The following FRMD6 variants were observed in gnomAD, a reference collection of about 807,000 sequenced individuals.
FRMD6 encodes FERM domain containing 6.
FRMD6 carries 37 observed loss-of-function variants against 73.2 expected under a neutral mutation model. That is an observed-to-expected ratio of 0.51 (90% CI 0.39 to 0.66). The LOEUF is 0.66. FRMD6 is among the 30% of genes least tolerant of loss of function. The probability of loss-of-function intolerance (pLI) is 0.00; values close to 1 mark genes in which losing one functional copy is unlikely to be tolerated. For missense variants in FRMD6, 714 were observed against 780.5 expected, an observed-to-expected ratio of 0.91 and a Z score of 1.02; for synonymous variants, 273 against 282.2, an observed-to-expected ratio of 0.97 and a Z score of 0.33.
At chr14:51,534,344 C>T (rs1215852353) in intron 1 of FRMD6, among the ~76,000 whole-genome samples, 2 of 152,286 alleles carry the variant, frequency 1.3e-5, no homozygotes, top group East Asian at 3.9e-4. Flanking sequence ...AGTCACCAGT[C>T]CTCAAAGCTT....
the FRMD6 span, among the ~76,000 whole-genome samples, chr14:51,479,703 G>T: frequency 6.6e-6 from 1 of 152,234 alleles, no homozygotes. Context: ...AGAAAGAAGT[G>T]AAAGCTGGCT....
intron 1 of FRMD6, among the ~76,000 whole-genome samples, chr14:51,511,889 A>T (rs903070900): frequency 6.6e-6 from 1 of 151,982 alleles, no homozygotes; most frequent in Non-Finnish European, 1.5e-5. Flanking sequence ...AATAATAATA[A>T]TAAAGAAATA....
chr14:51,690,809 A>T (rs1306468267), intron 2 of FRMD6, among the ~76,000 whole-genome samples: 1 of 152,214 alleles, frequency 6.6e-6, no homozygotes, highest in African/African-American at 2.4e-5. Context: ...TTTGTGAGTC[A>T]TAGTCAGCTT....
the FRMD6 span, among the ~76,000 whole-genome samples, chr14:51,410,710 C>A: frequency 2.0e-5 from 3 of 152,198 alleles, no homozygotes; most frequent in African/African-American, 4.8e-5. Context: ...CACGTTCATA[C>A]ATTATATGTC....
chr14:51,558,030 G>A (rs17401230), intron 1 of FRMD6, among the ~76,000 whole-genome samples: 1,764 of 151,866 alleles, frequency 0.012, 34 homozygotes, highest in African/African-American at 0.041. Flanking sequence ...TGAAGATACC[G>A]AAAGATACAA....
intron 2 of FRMD6, chr14:51,643,687 G>A (rs1321048660): frequency 6.6e-6 from 1 of 152,270 alleles, no homozygotes; most frequent in Non-Finnish European, 1.5e-5. Flanking sequence ...GGCAGATGTG[G>A]TGGACAGAGT....
intron 2 of FRMD6, among the ~76,000 whole-genome samples, chr14:51,585,947 A>ATATATATATATATATATATG (rs1889022553): frequency 4.7e-5 from 1 of 21,354 alleles, no homozygotes; most frequent in Admixed American, 6.6e-4. Context: ...GTGTATATAT[A>ATATATATATATATATATATG]TATATATATA....
chr14:51,654,204 A>T (rs1032417761), intron 1 of FRMD6, among the ~76,000 whole-genome samples: 1 of 150,936 alleles, frequency 6.6e-6, no homozygotes, highest in Non-Finnish European at 1.5e-5. Context: ...ATGGGCCTGG[A>T]TGAAGACGCT....
chr14:51,471,997 G>A, the FRMD6 span, among the ~76,000 whole-genome samples: 1 of 152,184 alleles, frequency 6.6e-6, no homozygotes, highest in African/African-American at 2.4e-5. Context: ...CATTCAAGGT[G>A]CCATCTTAGG....
At chr14:51,430,821 A>G in the FRMD6 span, among the ~76,000 whole-genome samples, 9 of 152,206 alleles carry the variant, frequency 5.9e-5, no homozygotes, top group African/African-American at 2.2e-4. Context: ...TCCCAGTTGC[A>G]TGAGCCGAGC....
chr14:51,590,079 A>T (rs1364040751), intron 2 of FRMD6, among the ~76,000 whole-genome samples: 1 of 152,108 alleles, frequency 6.6e-6, no homozygotes, highest in Non-Finnish European at 1.5e-5. Context: ...AAAAAAAAAA[A>T]AAAAAATCAG....
chr14:51,713,367 G>A (rs1464832236), intron 9 of FRMD6, among the ~76,000 whole-genome samples: 1 of 151,724 alleles, frequency 6.6e-6, no homozygotes, highest in African/African-American at 2.4e-5. Flanking sequence ...CTGAGGCATG[G>A]GAATCTCTTG....
At chr14:51,724,825 T>C (rs188369171) in intron 12 of FRMD6, among the ~76,000 whole-genome samples, 2 of 152,144 alleles carry the variant, frequency 1.3e-5, no homozygotes, top group Admixed American at 1.3e-4. Flanking sequence ...ATTTCAGCGG[T>C]GTTCACTTAC....
intron 1 of FRMD6, among the ~76,000 whole-genome samples, chr14:51,657,417 A>AT (rs1284596705): frequency 1.3e-5 from 2 of 152,304 alleles, no homozygotes; most frequent in Non-Finnish European, 2.9e-5. Context: ...GCTGACTTTT[A>AT]TTGTCATGGT....
chr14:51,403,916 G>C, the FRMD6 span, among the ~76,000 whole-genome samples: 4 of 152,078 alleles, frequency 2.6e-5, no homozygotes, highest in African/African-American at 4.8e-5. Context: ...TCTGGTACAA[G>C]TATTTCCATA....
chr14:51,660,027 T>TGCTG (rs1453005135), intron 1 of FRMD6, among the ~76,000 whole-genome samples: 2 of 152,200 alleles, frequency 1.3e-5, no homozygotes, highest in Admixed American at 1.3e-4. Context: ...AGAAGAATCG[T>TGCTG]GCTGTATCAT....
intron 1 of FRMD6, among the ~76,000 whole-genome samples, chr14:51,566,121 T>C (rs767469673): frequency 2.6e-5 from 4 of 152,192 alleles, no homozygotes; most frequent in Non-Finnish European, 5.9e-5. Flanking sequence ...GCCGAGATCA[T>C]GCCAGTGAAC....
intron 2 of FRMD6, among the ~76,000 whole-genome samples, chr14:51,606,479 C>T (rs1450863806): frequency 6.6e-6 from 1 of 152,160 alleles, no homozygotes; most frequent in Non-Finnish European, 1.5e-5. Flanking sequence ...GTCCCCAGCC[C>T]TCTCCCATCA....
chr14:51,529,078 G>A (rs535929070), intron 1 of FRMD6, among the ~76,000 whole-genome samples: 52 of 152,308 alleles, frequency 3.4e-4, no homozygotes, highest in Non-Finnish European at 6.9e-4. Context: ...AGTTGGTCTT[G>A]GGGGACATGC....
Sources: gnomAD v4.1 joint callset for allele counts (sites outside exome capture counted in the v4.1 genomes callset) on GRCh38, gnomAD v4.1.1 for gene constraint, MANE v1.5 for transcripts, NCBI Gene and HGNC (gene_info 2026-07-23, HGNC 2026-07-21) for gene names.